RBM47: variants seen among roughly 807,000 people sequenced by gnomAD.
RBM47 encodes RNA-binding protein 47.
RBM47 carries 21 observed loss-of-function variants against 47.1 expected under a neutral mutation model. The observed-to-expected ratio is 0.45, with a 90% confidence interval of 0.32 to 0.64. RBM47 has a LOEUF of 0.64. Ranked by LOEUF, RBM47 falls within the 30% of genes least tolerant of loss-of-function variation. The pLI, the probability that RBM47 is intolerant of heterozygous loss-of-function variation, is 0.05. For synonymous variants in RBM47, 375 were observed against 361.7 expected (o/e 1.04, Z -0.42); for missense variants, 708 against 870.9 (o/e 0.81, Z 2.35).
At chr4:40,553,453 A>G (rs144784141) in intron 1 of RBM47, among the ~76,000 whole-genome samples, 654 of 152,150 alleles carry the variant, frequency 4.3e-3, no homozygotes, top group Non-Finnish European at 7.2e-3. Context: ...GCATGCCACT[A>G]TGCATGGCTA....
chr4:40,426,292 G>C, intron 6 of RBM47, 149 bp from the exon 7 acceptor site: 2 of 1,002,628 alleles, frequency 2.0e-6, no homozygotes, highest in South Asian at 1.7e-5. Flanking sequence ...AGCAATTATT[G>C]TAAGCAAGTG....
rs1439411206 is a variant in RBM47, at chr4:40,509,197, T to TA, written c.-155+35224dup. Among the ~76,000 whole-genome samples the TA allele has an allele frequency of 6.1e-5, 8 of 131,816 alleles. 1 individual carries two copies. Among genetic ancestry groups the TA allele is most frequent in the Non-Finnish European group, 1.0e-4 (6 of 59,186 alleles). The allele number at this position is 131,816 out of a possible 152,430, so 86.5% of individuals were successfully genotyped here. A position where few individuals can be genotyped will look rare whatever the true frequency, so the allele number is the denominator to read the frequency against. On this transcript the variant is annotated intron_variant, in intron 2 of 6. Coordinates refer to ENST00000295971, the MANE Select transcript of RBM47 (RefSeq NM_001098634.2). ...TAAATAAATAAATAAATAATAATAA[T>TA]ATATTTTTTTCAAAGTAGTTATTTG...
intron 1 of RBM47, among the ~76,000 whole-genome samples, chr4:40,579,022 G>A (rs1027116482): frequency 1.1e-4 from 17 of 151,994 alleles, no homozygotes; most frequent in African/African-American, 3.9e-4. Flanking sequence ...AGGAGGCTGA[G>A]GCAGAAGAAT....
At chr4:40,443,732 A>C (rs1714057900) in intron 3 of RBM47, among the ~76,000 whole-genome samples, 1 of 97,046 alleles carries the variant, frequency 1.0e-5, no homozygotes, top group East Asian at 7.5e-4. Context: ...AAAAAAAAAA[A>C]AAAAAAAAAA....
chr4:40,463,130 A>G (rs886600721), intron 3 of RBM47, among the ~76,000 whole-genome samples: 4 of 152,210 alleles, frequency 2.6e-5, no homozygotes, highest in African/African-American at 7.2e-5. Context: ...AAAATGGTCA[A>G]AAAAGTTGAA....
chr4:40,559,131 T>C (rs988148412), intron 1 of RBM47, among the ~76,000 whole-genome samples: 2 of 152,198 alleles, frequency 1.3e-5, no homozygotes, highest in African/African-American at 4.8e-5. Context: ...TACCATGACA[T>C]AGATAGCATT....
At chr4:40,452,031 G>A (rs1343047875) in intron 3 of RBM47, among the ~76,000 whole-genome samples, 2 of 152,160 alleles carry the variant, frequency 1.3e-5, no homozygotes, top group Non-Finnish European at 2.9e-5. Context: ...TTAGCCGGGT[G>A]TGGTGGCATG....
At chr4:40,563,947 C>T (rs1730862145) in intron 1 of RBM47, among the ~76,000 whole-genome samples, 1 of 152,220 alleles carries the variant, frequency 6.6e-6, no homozygotes, top group Non-Finnish European at 1.5e-5. Flanking sequence ...TGTGCTGGCT[C>T]ACACCTTGTA....
intron 2 of RBM47, among the ~76,000 whole-genome samples, chr4:40,534,903 C>G (rs1727778872): frequency 6.7e-6 from 1 of 149,122 alleles, no homozygotes; most frequent in African/African-American, 2.5e-5. Flanking sequence ...CCAGTGCACT[C>G]CAGCCTGGGC....
intron 1 of RBM47, among the ~76,000 whole-genome samples, chr4:40,552,376 C>A (rs1164052883): frequency 6.6e-6 from 1 of 150,594 alleles, no homozygotes; most frequent in Non-Finnish European, 1.5e-5. Context: ...CCAGCCTGGG[C>A]GACAGAGTGA....
intron 1 of RBM47, among the ~76,000 whole-genome samples, chr4:40,610,154 G>C (rs1736133696): frequency 6.6e-6 from 1 of 152,026 alleles, no homozygotes; most frequent in African/African-American, 2.4e-5. Flanking sequence ...TCTAATTCTA[G>C]AGCCAAATCA....
chr4:40,551,710 G>A (rs1729583857), intron 1 of RBM47, among the ~76,000 whole-genome samples: 1 of 149,508 alleles, frequency 6.7e-6, no homozygotes, highest in Non-Finnish European at 1.5e-5. Flanking sequence ...GTGCAGTGGT[G>A]GGATCTCGGC....
chr4:40,430,860 G>T (rs1250172534), intron 6 of RBM47, among the ~76,000 whole-genome samples: 1 of 152,192 alleles, frequency 6.6e-6, no homozygotes, highest in African/African-American at 2.4e-5. Context: ...CTTGAGGTGG[G>T]AGGATCGCTT....
intron 2 of RBM47, among the ~76,000 whole-genome samples, chr4:40,494,425 T>G (rs1722297892): frequency 6.6e-6 from 1 of 152,214 alleles, no homozygotes; most frequent in Non-Finnish European, 1.5e-5. Context: ...AGTCAAATAC[T>G]TAGTGTCCTC....
chr4:40,592,979 ATTTTTTTTTTTTTTTTTT>A (rs869035345), intron 1 of RBM47, among the ~76,000 whole-genome samples: 2 of 14,200 alleles, frequency 1.4e-4, no homozygotes, highest in Non-Finnish European at 2.2e-4. Context: ...ATATATATAT[ATTTTTTTTTTTTTTTTTT>A]TTTTTTTTTT....
intron 6 of RBM47, among the ~76,000 whole-genome samples, chr4:40,429,062 T>C (rs995719281): frequency 1.2e-4 from 18 of 152,124 alleles, no homozygotes; most frequent in African/African-American, 4.1e-4. Flanking sequence ...TCTCATGTCA[T>C]CCCTCTCCAT....
chr4:40,503,098 A>C (rs1204547936), intron 2 of RBM47, among the ~76,000 whole-genome samples: 1 of 152,180 alleles, frequency 6.6e-6, no homozygotes, highest in Non-Finnish European at 1.5e-5. Context: ...AAAGTCTGAC[A>C]TTTCTATCTT....
intron 1 of RBM47, among the ~76,000 whole-genome samples, chr4:40,602,464 A>G (rs1027850391): frequency 1.3e-5 from 2 of 151,928 alleles, no homozygotes; most frequent in Admixed American, 6.6e-5. Flanking sequence ...CCTGGCCAAC[A>G]TGGTGAAACC....
intron 2 of RBM47, among the ~76,000 whole-genome samples, chr4:40,496,554 T>C (rs184818722): frequency 6.6e-6 from 1 of 152,310 alleles, no homozygotes; most frequent in Admixed American, 6.5e-5. Context: ...ATTTTGGCTA[T>C]AACCCAAATA....
Sources: allele counts gnomAD v4.1 joint callset (sites outside exome capture counted in the v4.1 genomes callset), GRCh38; gene constraint gnomAD v4.1.1; transcripts MANE v1.5; gene names NCBI Gene and HGNC (gene_info 2026-07-23, HGNC 2026-07-21).